The following PIK3R1 variants were observed in gnomAD, a reference collection of about 807,000 sequenced individuals.
PIK3R1 encodes the protein phosphatidylinositol 3-kinase regulatory subunit alpha.
A neutral mutation model predicts 98.0 loss-of-function variants in PIK3R1; 29 were observed. The observed-to-expected ratio is 0.30, with a 90% CI of 0.22 to 0.40. The LOEUF is 0.40. Ranked by LOEUF, PIK3R1 falls within the 10% of genes least tolerant of loss-of-function variation. The probability of loss-of-function intolerance (pLI) is 1.00; values close to 1 mark genes in which losing one functional copy is unlikely to be tolerated. For synonymous variants in PIK3R1, 282 were observed against 311.8 expected, an observed-to-expected ratio of 0.90 and a Z score of 1.01; for missense variants, 596 against 872.7, an observed-to-expected ratio of 0.68 and a Z score of 3.99.
intron 1 of PIK3R1, chr5:68,217,647 T>TGCGCGCGCGCGCGC (rs1490036254): frequency 7.3e-5 from 10 of 136,096 alleles, no homozygotes; most frequent in African/African-American, 1.2e-4. Context: ...TGTGTGTGTG[T>TGCGCGCGCGCGCGC]GTGTGTGCGC....
intron 7 of PIK3R1, among the ~76,000 whole-genome samples, chr5:68,289,315 G>C (rs34287): frequency 1.3e-5 from 2 of 151,982 alleles, no homozygotes; most frequent in Admixed American, 6.6e-5. Context: ...AGGGTGGGAA[G>C]AGACAAGGTG....
At chr5:68,232,532 A>G (rs968832857) in intron 2 of PIK3R1, among the ~76,000 whole-genome samples, 3 of 152,152 alleles carry the variant, frequency 2.0e-5, no homozygotes, top group Admixed American at 2.0e-4. Context: ...TCCTTCCCTC[A>G]GTCTGTTATT....
At chr5:68,262,941 A>G (rs1745917614) in intron 2 of PIK3R1, among the ~76,000 whole-genome samples, 1 of 39,900 alleles carries the variant, frequency 2.5e-5, no homozygotes, top group Non-Finnish European at 4.6e-5. Context: ...ACATATATAC[A>G]TGTAGATACA....
rs1580270810 is a variant in PIK3R1, at chr5:68,298,499, ATTG to A, written c.*903_*905del. The A allele has an allele frequency of 1.3e-5, 3 of 232,738 alleles. No individual in the cohort carries two copies. Among genetic ancestry groups the A allele is most frequent in the Non-Finnish European group, 2.5e-5 (3 of 117,776 alleles). The allele number at this position is 232,738 out of a possible 1,614,324, so 14.4% of individuals were successfully genotyped here. A position where few individuals can be genotyped will look rare whatever the true frequency, so the allele number is the denominator to read the frequency against. ...ACCCCAGTTTTTGTTGCTTGAAAAT[ATTG>A]TTGTCCCGGATTTTTGTTAATATTC... is the stretch of plus-strand genomic sequence containing the variant. On this transcript the variant is annotated 3_prime_UTR_variant, in exon 16 of 16. Transcript: ENST00000521381.
At chr5:68,259,554 G>A (rs1336836971) in intron 2 of PIK3R1, among the ~76,000 whole-genome samples, 2 of 152,168 alleles carry the variant, frequency 1.3e-5, no homozygotes, top group African/African-American at 2.4e-5. Context: ...TGAGGAGAGG[G>A]GTTCTGTTCT....
intron 2 of PIK3R1, among the ~76,000 whole-genome samples, chr5:68,262,931 A>T (rs1745914387): frequency 1.1e-5 from 1 of 93,048 alleles, no homozygotes; most frequent in South Asian, 3.7e-4. Flanking sequence ...ATACATGTAT[A>T]CATATATACA....
chr5:68,217,485 A>G (rs750624417), intron 1 of PIK3R1: 4 of 152,232 alleles, frequency 2.6e-5, no homozygotes, highest in South Asian at 2.1e-4. Flanking sequence ...CTCACTAGCT[A>G]TACAACTTTT....
At chr5:68,284,810 T>C (rs1428541099) in intron 7 of PIK3R1, among the ~76,000 whole-genome samples, 1 of 152,172 alleles carries the variant, frequency 6.6e-6, no homozygotes, top group African/African-American at 2.4e-5. Context: ...TTTCAAAGAA[T>C]AGTAATACAT....
chr5:68,282,542 A>G (rs1746893155), intron 7 of PIK3R1, among the ~76,000 whole-genome samples: 1 of 152,226 alleles, frequency 6.6e-6, no homozygotes, highest in South Asian at 2.1e-4. Flanking sequence ...GAGAATTTCT[A>G]CTACACAAGG....
intron 2 of PIK3R1, among the ~76,000 whole-genome samples, chr5:68,269,558 C>CA (rs1746262853): frequency 6.6e-6 from 1 of 152,070 alleles, no homozygotes; most frequent in Admixed American, 6.6e-5. Context: ...AACACCTTGC[C>CA]AAATTTGGTA....
intron 1 of PIK3R1, among the ~76,000 whole-genome samples, chr5:68,222,746 A>G (rs1274632243): frequency 1.3e-5 from 2 of 152,154 alleles, no homozygotes; most frequent in African/African-American, 4.8e-5. Context: ...AGAGTTAAAG[A>G]GGCAGACAGA....
chr5:68,298,649 C>T lies in PIK3R1; in HGVS notation c.*1048C>T, dbSNP rs73771048. 3,958 of 232,584 alleles carry T rather than the reference C, an allele frequency of 0.017. 156 individuals carry two copies. Among genetic ancestry groups the T allele is most frequent in the African/African-American group, 0.078 (3,519 of 45,204 alleles). 14.4% of individuals were successfully genotyped at this position (232,584 alleles called of 1,614,324 possible). ...CTTGTACAGAGTACTTGGCTGTTAGCCCAAGGTTAAAAAGTTCATAACAGA... is the reference window on the plus strand; with the variant it reads ...CTTGTACAGAGTACTTGGCTGTTAGTCCAAGGTTAAAAAGTTCATAACAGA... On this transcript the variant is annotated 3_prime_UTR_variant, in exon 16 of 16. Transcript: ENST00000521381.
chr5:68,263,316 TGTTTTTTTTTAAGTGCATTGGTTTG>T (rs1745986566), intron 2 of PIK3R1, among the ~76,000 whole-genome samples: 1 of 32,296 alleles, frequency 3.1e-5, no homozygotes, highest in Non-Finnish European at 5.4e-5. Context: ...TGTGTGTTGT[TGTTTTTTTTTAAGTGCATTGGTTTG>T]GCACAAATAA....
At chr5:68,267,591 C>T (rs1357403369) in intron 2 of PIK3R1, among the ~76,000 whole-genome samples, 1 of 151,974 alleles carries the variant, frequency 6.6e-6, no homozygotes, top group African/African-American at 2.4e-5. Context: ...GATTTATTTC[C>T]ACATCTACTC....
chr5:68,297,865 C>A lies in PIK3R1; in HGVS notation c.*264C>A. Reference sequence around the variant, plus strand: ...TTGGTTTAATTTAAAGCCACAACCACATACAACACAAAGAGAAAAAGAAAT... The same window carrying A: ...TTGGTTTAATTTAAAGCCACAACCAAATACAACACAAAGAGAAAAAGAAAT... On this transcript the variant is annotated 3_prime_UTR_variant, in exon 16 of 16. Coordinates refer to ENST00000521381, the MANE Select transcript of PIK3R1 (RefSeq NM_181523.3). The A allele has an allele frequency of 3.2e-6, 1 of 311,558 alleles. No individual in the cohort carries two copies. Among genetic ancestry groups the A allele is most frequent in the Non-Finnish European group, 5.9e-6 (1 of 169,432 alleles). 19.3% of individuals were successfully genotyped at this position (311,558 alleles called of 1,614,324 possible). A position where few individuals can be genotyped will look rare whatever the true frequency, so the allele number is the denominator to read the frequency against.
intron 2 of PIK3R1, among the ~76,000 whole-genome samples, chr5:68,246,276 T>G (rs1275959807): frequency 1.3e-5 from 2 of 152,100 alleles, no homozygotes; most frequent in African/African-American, 4.8e-5. Flanking sequence ...TCCCCTTCCC[T>G]GCAGAGTCTC....
chr5:68,286,486 G>C (rs191237233), intron 7 of PIK3R1, among the ~76,000 whole-genome samples: 124 of 152,284 alleles, frequency 8.1e-4, no homozygotes, highest in African/African-American at 2.9e-3. Flanking sequence ...AGGAATTACT[G>C]ATTCAGTTCT....
intron 5 of PIK3R1, 36 bp from the exon 6 acceptor site, chr5:68,280,492 A>G: frequency 2.2e-6 from 3 of 1,358,190 alleles, no homozygotes; most frequent in Non-Finnish European, 3.1e-6. Flanking sequence ...GTAGTCGCTT[A>G]CTCATTTCTC....
chr5:68,262,874 G>GATACATGTAGATACATGT (rs1745900849), intron 2 of PIK3R1, among the ~76,000 whole-genome samples: 1 of 87,834 alleles, frequency 1.1e-5, no homozygotes, highest in Non-Finnish European at 2.3e-5. Context: ...TATACATGTA[G>GATACATGTAGATACATGT]ATACATGTAG....
Sources: allele counts gnomAD v4.1 joint callset (sites outside exome capture counted in the v4.1 genomes callset), GRCh38; gene constraint gnomAD v4.1.1; transcripts MANE v1.5; gene names NCBI Gene and HGNC (gene_info 2026-07-23, HGNC 2026-07-21).